Variants in VPS13B observed in about 807,000 individuals in gnomAD.
VPS13B encodes vacuolar protein sorting 13 homolog B.
In VPS13B, 285 loss-of-function variants were observed where a neutral mutation model predicts 426.4. The ratio of observed to expected loss-of-function variants is 0.67; its 90% CI spans 0.61 to 0.74. The LOEUF is 0.74. Ranked by LOEUF, VPS13B falls within the 30% of genes least tolerant of loss-of-function variation. The pLI is 0.00. For missense variants in VPS13B, 4,537 were observed against 4,782.6 expected (o/e 0.95, Z 1.51); for synonymous variants, 1,676 against 1,676.4 (o/e 1.00, Z 0.01).
chr8:99,477,628 G>A (rs1246853515), intron 24 of VPS13B, among the ~76,000 whole-genome samples: 1 of 152,090 alleles, frequency 6.6e-6, no homozygotes, highest in Non-Finnish European at 1.5e-5. Flanking sequence ...TGTGACCCTT[G>A]TACACTATTG....
At chr8:99,839,616 T>C (rs1302611268) in intron 54 of VPS13B, among the ~76,000 whole-genome samples, 3 of 152,216 alleles carry the variant, frequency 2.0e-5, no homozygotes, top group African/African-American at 7.2e-5. Flanking sequence ...TGCTCCCATG[T>C]GGTCTAGTCC....
At chr8:99,700,720 A>G (rs1321510179) in intron 36 of VPS13B, among the ~76,000 whole-genome samples, 1 of 152,196 alleles carries the variant, frequency 6.6e-6, no homozygotes, top group Non-Finnish European at 1.5e-5. Flanking sequence ...ATACTTTTTC[A>G]AAAAGCATGG....
intron 39 of VPS13B, among the ~76,000 whole-genome samples, chr8:99,748,223 T>C (rs4734438): frequency 0.034 from 5,174 of 152,108 alleles, 102 homozygotes; most frequent in East Asian, 0.046. Flanking sequence ...TACCTGATGA[T>C]CCACGTAACA....
intron 36 of VPS13B, among the ~76,000 whole-genome samples, chr8:99,704,062 C>A (rs1312227101): frequency 6.6e-6 from 1 of 151,960 alleles, no homozygotes; most frequent in Non-Finnish European, 1.5e-5. Context: ...TAGAAGGATC[C>A]CCTGTCCATA....
intron 42 of VPS13B, 97 bp from the exon 43 acceptor site, chr8:99,784,218 G>A (rs1199488193): frequency 4.1e-6 from 6 of 1,475,796 alleles, no homozygotes; most frequent in Non-Finnish European, 5.7e-6. Flanking sequence ...GATCTTTTAG[G>A]GTTTCTGTGT....
At chr8:99,404,077 T>C (rs1459828472) in intron 21 of VPS13B, among the ~76,000 whole-genome samples, 1 of 152,228 alleles carries the variant, frequency 6.6e-6, no homozygotes, top group Non-Finnish European at 1.5e-5. Flanking sequence ...GCACAATGTA[T>C]TAATTTTTCA....
At position 99,854,022 on chromosome 8, in the gene VPS13B, A is replaced by C. The variant is rs781672013; in HGVS notation, c.10633A>C (p.Met3545Leu). ...HLSGGKQVLP[M>L]QVTQHARALV... ...CTCCGGGGGTAAACAGGTGTTGCCC[A>C]TGCAGGTCACACAGCACGCCAGGGC... is the stretch of plus-strand genomic sequence containing the variant. Residue 3545 changes from methionine to leucine, a missense_variant, in exon 56 of 62, where the codon ATG (methionine) becomes CTG (leucine). Met to Leu is a conservative substitution (Grantham distance 15). Transcript: ENST00000357162. The C allele has an allele frequency of 1.2e-6, 2 of 1,614,220 alleles. No homozygotes were observed. The highest frequency in any genetic ancestry group is 1.7e-5 in the Admixed American group (1 of 60,028).
At chr8:99,573,307 G>A (rs1825587258) in intron 31 of VPS13B, among the ~76,000 whole-genome samples, 1 of 152,170 alleles carries the variant, frequency 6.6e-6, no homozygotes, top group African/African-American at 2.4e-5. Flanking sequence ...AGTTTAATTA[G>A]ATCCCATTTG....
In VPS13B at chr8:99,816,804, A is replaced by G. The variant is rs144177255; in HGVS notation, c.8098-736A>G. ...TGGGCGAAAGAGCAAGACCCTGTCT[A>G]AAAAAAACTAAATAAATAAACTGAA... On this transcript the variant is annotated intron_variant, in intron 44 of 61. Transcript: ENST00000357162. 2.2e-4 allele frequency among the ~76,000 whole-genome samples: 32 copies of G among 146,554 alleles called. No individual in the cohort carries two copies. The East Asian group carries it at 6.0e-3, about 27-fold the overall frequency.
At chr8:99,368,143 G>A (rs954976447) in intron 19 of VPS13B, among the ~76,000 whole-genome samples, 11 of 152,298 alleles carry the variant, frequency 7.2e-5, no homozygotes, top group African/African-American at 1.9e-4. Flanking sequence ...TTAGCATTTG[G>A]TGCTTGGACC....
intron 34 of VPS13B, among the ~76,000 whole-genome samples, chr8:99,649,209 T>C (rs1373887875): frequency 6.6e-6 from 1 of 152,144 alleles, no homozygotes; most frequent in African/African-American, 2.4e-5. Flanking sequence ...TCTTTGATTC[T>C]ATCCTGTGTG....
intron 31 of VPS13B, among the ~76,000 whole-genome samples, chr8:99,558,756 T>C (rs1331321360): frequency 6.6e-6 from 1 of 152,234 alleles, no homozygotes; most frequent in Non-Finnish European, 1.5e-5. Flanking sequence ...TTTTTATGGC[T>C]GCATAGTATT....
intron 34 of VPS13B, among the ~76,000 whole-genome samples, chr8:99,649,729 C>G (rs577627671): frequency 1.3e-5 from 2 of 151,996 alleles, no homozygotes; most frequent in South Asian, 4.2e-4. Flanking sequence ...AAAGAAAAAG[C>G]AACAAGATTT....
At chr8:99,702,118 G>A (rs1432511393) in intron 36 of VPS13B, among the ~76,000 whole-genome samples, 1 of 151,936 alleles carries the variant, frequency 6.6e-6, no homozygotes, top group Non-Finnish European at 1.5e-5. Flanking sequence ...TTTGATAAGT[G>A]GTAAAAACTA....
intron 3 of VPS13B, among the ~76,000 whole-genome samples, chr8:99,083,747 G>A (rs1478311396): frequency 7.7e-6 from 1 of 129,922 alleles, no homozygotes; most frequent in African/African-American, 3.0e-5. Context: ...CTGTTTACGT[G>A]ATGGATTACG....
intron 44 of VPS13B, among the ~76,000 whole-genome samples, chr8:99,813,544 G>C (rs938577421): frequency 6.6e-6 from 1 of 152,192 alleles, no homozygotes; most frequent in South Asian, 2.1e-4. Context: ...GTAACCCCTA[G>C]CATATGCTAA....
Position 99,503,169 on chromosome 8 carries a change from G to A in VPS13B, c.4157+219G>A, listed in dbSNP as rs374299659. On this transcript the variant is annotated intron_variant, in intron 27 of 61. Transcript: ENST00000357162. ...TTGGTTTCTCAGTGTATATAAAGTT[G>A]TGTTTACACTATACTGCAGTCTGTG... Among the ~76,000 whole-genome samples, 13 of 152,194 alleles carry A rather than the reference G, an allele frequency of 8.5e-5. No homozygotes were observed. In the East Asian group the frequency reaches 2.3e-3, roughly 27 times the overall value.
intron 33 of VPS13B, among the ~76,000 whole-genome samples, chr8:99,579,541 G>T (rs1253837893): frequency 1.3e-5 from 2 of 152,032 alleles, no homozygotes; most frequent in African/African-American, 4.8e-5. Flanking sequence ...GGGATTACAG[G>T]TGCCTGCCAC....
intron 4 of VPS13B, 23 bp from the exon 5 acceptor site, chr8:99,102,930 A>G: frequency 6.4e-7 from 1 of 1,572,038 alleles, no homozygotes; most frequent in Non-Finnish European, 8.7e-7. Context: ...TGGCTAATTA[A>G]ATTCTTTTTT....
Sources: allele counts gnomAD v4.1 joint callset (sites outside exome capture counted in the v4.1 genomes callset), GRCh38; gene constraint gnomAD v4.1.1; transcripts MANE v1.5; gene names NCBI Gene and HGNC (gene_info 2026-07-23, HGNC 2026-07-21).